The following LONP2 variants were observed in gnomAD, a reference collection of about 807,000 sequenced individuals.
LONP2 encodes lon protease homolog 2, peroxisomal.
A neutral mutation model predicts 85.6 loss-of-function variants in LONP2; 60 were observed. The ratio of observed to expected loss-of-function variants is 0.70; its 90% CI spans 0.57 to 0.87. LONP2 has a LOEUF of 0.87. LONP2 is among the 40% of genes least tolerant of loss of function. The pLI, the probability that LONP2 is intolerant of heterozygous loss-of-function variation, is 0.00. For synonymous variants in LONP2, 395 were observed against 389.7 expected (o/e 1.01, Z -0.16); for missense variants, 860 against 1,063.5 (o/e 0.81, Z 2.66).
intron 1 of LONP2, among the ~76,000 whole-genome samples, chr16:48,246,883 T>C (rs112800343): frequency 0.015 from 2,248 of 152,256 alleles, 61 homozygotes; most frequent in African/African-American, 0.052. Flanking sequence ...AGGTTTTTAA[T>C]TTATTTTATG....
At position 48,348,223 on chromosome 16, in the gene LONP2, G is replaced by A; in HGVS notation, c.2270G>A (p.Ser757Asn). The A allele has an allele frequency of 6.2e-7, 1 of 1,612,094 alleles. No individual in the cohort carries two copies. The highest frequency in any genetic ancestry group is 8.5e-7 in the Non-Finnish European group (1 of 1,179,570). The change falls in exon 14 of 15, where the codon AGT becomes AAT. Residue 757 changes from serine to asparagine, a missense_variant. Coordinates refer to ENST00000285737, the MANE Select transcript of LONP2 (RefSeq NM_031490.5). ...GTAACCTGTCTCGCCTCACTTTTTA[G>A]TGGGCGGCTGGTACGTTCAGATGTA... ...TIVTCLASLF[S>N]GRLVRSDVAM... is the part of the protein sequence containing the mutation.
chr16:48,280,143 T>C (rs1190418649), intron 8 of LONP2, among the ~76,000 whole-genome samples: 1 of 152,236 alleles, frequency 6.6e-6, no homozygotes, highest in African/African-American at 2.4e-5. Flanking sequence ...TAACTGGTTC[T>C]TTTTACTATG....
intron 11 of LONP2, among the ~76,000 whole-genome samples, chr16:48,326,220 A>G (rs920746274): frequency 1.4e-4 from 22 of 152,350 alleles, no homozygotes; most frequent in Non-Finnish European, 1.3e-4. Flanking sequence ...ACATGATATT[A>G]GTATAACAGA....
At chr16:48,308,559 G>A (rs959765724) in intron 11 of LONP2, among the ~76,000 whole-genome samples, 4 of 151,556 alleles carry the variant, frequency 2.6e-5, no homozygotes, top group Middle Eastern at 3.4e-3. Flanking sequence ...CCCAGGAGGC[G>A]GATGGTGCAG....
chr16:48,312,370 T>C (rs894736717), intron 11 of LONP2, among the ~76,000 whole-genome samples: 1 of 152,204 alleles, frequency 6.6e-6, no homozygotes, highest in African/African-American at 2.4e-5. Context: ...CCTTTTTTTT[T>C]TCATATTTCC....
rs114103410 is a variant in LONP2, at chr16:48,341,329, T to C, written c.1939-6178T>C. Among the ~76,000 whole-genome samples the C allele has an allele frequency of 2.5e-3, 371 of 151,356 alleles. 6 individuals are homozygous for C. Among genetic ancestry groups the C allele is most frequent in the African/African-American group, 8.9e-3 (362 of 40,898 alleles). On this transcript the variant is annotated intron_variant, in intron 12 of 14. Coordinates refer to ENST00000285737, the MANE Select transcript of LONP2 (RefSeq NM_031490.5). Reference sequence around the variant, plus strand: ...ATAAATAAATAAATAAATAAATAAATAGGTCCAGCATCAGCTTCTGGGGAG... The same window carrying C: ...ATAAATAAATAAATAAATAAATAAACAGGTCCAGCATCAGCTTCTGGGGAG...
chr16:48,299,499 T>C (rs1011251633), intron 9 of LONP2, among the ~76,000 whole-genome samples, 163 bp from the exon 10 acceptor site: 8 of 152,066 alleles, frequency 5.3e-5, no homozygotes, highest in Middle Eastern at 3.4e-3. Flanking sequence ...GGAGAATCAC[T>C]TGAACCTGAG....
At chr16:48,342,407 G>T (rs1018181687) in intron 12 of LONP2, among the ~76,000 whole-genome samples, 1 of 152,172 alleles carries the variant, frequency 6.6e-6, no homozygotes, top group Non-Finnish European at 1.5e-5. Context: ...ATGCCTCAAA[G>T]AATCATGGTA....
chr16:48,284,038 C>G (rs565264921), intron 8 of LONP2, among the ~76,000 whole-genome samples: 11 of 152,044 alleles, frequency 7.2e-5, no homozygotes, highest in Non-Finnish European at 1.3e-4. Context: ...AGGAAGTTAC[C>G]GCAGTTGTGG....
intron 7 of LONP2, among the ~76,000 whole-genome samples, chr16:48,271,830 T>G (rs1262055895): frequency 6.6e-6 from 1 of 152,250 alleles, no homozygotes; most frequent in Non-Finnish European, 1.5e-5. Flanking sequence ...CTTCTGGCAA[T>G]TTCAAAAGAT....
intron 11 of LONP2, among the ~76,000 whole-genome samples, chr16:48,329,856 A>G (rs1959383034): frequency 1.3e-5 from 2 of 152,182 alleles, no homozygotes; most frequent in South Asian, 4.1e-4. Flanking sequence ...CCATGTTCCT[A>G]ATGTTGGGTA....
rs1282755664 is a variant in LONP2 at position 48,244,495 on chromosome 16, C to T, written c.107C>T (p.Ala36Val). 5 of 1,598,584 alleles carry T rather than the reference C, an allele frequency of 3.1e-6. No individual in the cohort carries two copies. Among genetic ancestry groups the T allele is most frequent in the Admixed American group, 3.4e-5 (2 of 58,540 alleles). Residue 36 changes from alanine to valine, a missense_variant, in exon 1 of 15, where the codon GCC becomes GTC. This residue lies in a region of LONP2 where 743 missense variants were observed against 917.3 expected (regional missense o/e 0.81). Coordinates refer to ENST00000285737, the MANE Select transcript of LONP2 (RefSeq NM_031490.5). ...ACCATGCGCACCAGCGTGGACTCGG[C>T]CCGCAACCTGCAGCTGGTGCGGAGC... Reference protein sequence around the residue: ...GSTMRTSVDSARNLQLVRSRL... With the variant: ...GSTMRTSVDSVRNLQLVRSRL...
intron 12 of LONP2, among the ~76,000 whole-genome samples, chr16:48,343,554 C>T (rs950484082): frequency 2.6e-5 from 4 of 151,956 alleles, no homozygotes; most frequent in Non-Finnish European, 5.9e-5. Flanking sequence ...AAAAATTAGC[C>T]GGGCATGGTG....
intron 8 of LONP2, among the ~76,000 whole-genome samples, chr16:48,286,666 G>C (rs539525353): frequency 6.6e-6 from 1 of 151,652 alleles, no homozygotes; most frequent in South Asian, 2.1e-4. Flanking sequence ...CAGCATGCCT[G>C]GCCAATTTTT....
intron 12 of LONP2, among the ~76,000 whole-genome samples, chr16:48,336,210 G>C (rs1300975137): frequency 6.6e-6 from 1 of 152,144 alleles, no homozygotes; most frequent in African/African-American, 2.4e-5. Flanking sequence ...GACATTCCTG[G>C]AGCATTAGCA....
Position 48,291,609 on chromosome 16 carries a change from T to A in LONP2, c.1384-4406T>A, listed in dbSNP as rs115466698. Among the ~76,000 whole-genome samples, 670 of 152,244 alleles carry A rather than the reference T, an allele frequency of 4.4e-3. 7 individuals carry two copies. The highest frequency in any genetic ancestry group is 0.015 in the African/African-American group (641 of 41,536). On this transcript the variant is annotated intron_variant, in intron 8 of 14. Coordinates refer to ENST00000285737, the MANE Select transcript of LONP2 (RefSeq NM_031490.5). ...ATAGTCCTAGGATTGATACAGAAAA[T>A]CTTTTAGTTGGGGAGAATAAAGGAG...
rs1960158265 is a variant in LONP2, at chr16:48,351,728, G to A, written c.2485G>A (p.Glu829Lys). 1 of 1,614,098 alleles carries A rather than the reference G, an allele frequency of 6.2e-7. No individual in the cohort carries two copies. Among genetic ancestry groups the A allele is most frequent in the African/African-American group, 1.3e-5 (1 of 74,932 alleles). ...TTTTGTCACAGCAAGCTGCCTGGAT[G>A]AGGTTCTTAATGCAGCTTTTGATGG... ...LSFVTASCLDEVLNAAFDGGF... is the reference protein window; with the variant it reads ...LSFVTASCLDKVLNAAFDGGF... Residue 829 changes from glutamate (E) to lysine (K), a missense_variant, in exon 15 of 15, where the codon GAG (glutamate) becomes AAG (lysine). This residue lies in a region of LONP2 where 115 missense variants were observed against 129.0 expected (regional missense o/e 0.89). Transcript: ENST00000285737.
chr16:48,256,573 CA>C (rs774205883), intron 2 of LONP2, 36 bp from the exon 3 acceptor site: 1 of 1,602,828 alleles, frequency 6.2e-7, no homozygotes, highest in Non-Finnish European at 8.5e-7. Flanking sequence ...CAAATAATGC[CA>C]GATTTCATTT....
chr16:48,269,766 A>G (rs1378067611), intron 6 of LONP2, among the ~76,000 whole-genome samples: 1 of 152,210 alleles, frequency 6.6e-6, no homozygotes, highest in Admixed American at 6.5e-5. Context: ...CTAGAAAATC[A>G]TTCCAAATAA....
Sources: gnomAD v4.1 joint callset for allele counts (sites outside exome capture counted in the v4.1 genomes callset) on GRCh38, gnomAD v4.1.1 for gene constraint, gnomAD v4.1.1 regional missense constraint, MANE v1.5 for transcripts, NCBI Gene and HGNC (gene_info 2026-07-23, HGNC 2026-07-21) for gene names.